Variants in CADPS2 observed in about 807,000 individuals in gnomAD.
CADPS2 encodes calcium-dependent secretion activator 2.
CADPS2 carries 93 observed loss-of-function variants against 172.5 expected under a neutral mutation model. The observed-to-expected ratio is 0.54, with a 90% confidence interval of 0.46 to 0.64. The LOEUF is 0.64. Ranked by LOEUF, CADPS2 falls within the 30% of genes least tolerant of loss-of-function variation. The pLI is 0.00. For synonymous variants in CADPS2, 546 were observed against 555.2 expected, an observed-to-expected ratio of 0.98 and a Z score of 0.23; for missense variants, 1,420 against 1,565.9, an observed-to-expected ratio of 0.91 and a Z score of 1.57.
At chr7:122,628,342 T>C (rs575396205) in intron 4 of CADPS2, among the ~76,000 whole-genome samples, 1 of 152,066 alleles carries the variant, frequency 6.6e-6, no homozygotes, top group African/African-American at 2.4e-5. Context: ...AAGAGTTCAT[T>C]ATCTTGATCT....
At chr7:122,576,176 TG>T (rs1217030078) in intron 7 of CADPS2, among the ~76,000 whole-genome samples, 1 of 152,200 alleles carries the variant, frequency 6.6e-6, no homozygotes, top group East Asian at 1.9e-4. Context: ...CCAATTATCC[TG>T]TATAATGTCA....
intron 9 of CADPS2, among the ~76,000 whole-genome samples, chr7:122,508,449 G>GTTTTTTTTTTTTTTTTTTTTTTTT (rs1205155217): frequency 7.3e-5 from 5 of 68,432 alleles, no homozygotes; most frequent in Non-Finnish European, 1.2e-4. Flanking sequence ...ATTCATTTAA[G>GTTTTTTTTTTTTTTTTTTTTTTTT]TTTTTTTTTT....
chr7:122,721,249 G>A (rs550973620), intron 2 of CADPS2, among the ~76,000 whole-genome samples: 13 of 151,944 alleles, frequency 8.6e-5, no homozygotes, highest in Non-Finnish European at 1.6e-4. Context: ...ACAAATCCAG[G>A]AACTGCTTGT....
chr7:122,456,429 A>T (rs1586223510), intron 14 of CADPS2, among the ~76,000 whole-genome samples: 1 of 152,138 alleles, frequency 6.6e-6, no homozygotes, highest in Non-Finnish European at 1.5e-5. Context: ...TGGGGCCTGT[A>T]GTTATTGAAG....
chr7:122,760,034 ACC>A (rs1463138643), intron 1 of CADPS2, among the ~76,000 whole-genome samples: 1 of 151,856 alleles, frequency 6.6e-6, no homozygotes, highest in East Asian at 1.9e-4. Flanking sequence ...ACATATATTT[ACC>A]TATGCTTATA....
At chr7:122,542,578 G>T (rs2063211238) in intron 8 of CADPS2, among the ~76,000 whole-genome samples, 2 of 152,114 alleles carry the variant, frequency 1.3e-5, no homozygotes, top group Non-Finnish European at 2.9e-5. Flanking sequence ...TGGACAAATA[G>T]ATATTGTGGA....
At chr7:122,462,445 CA>C (rs573281185) in intron 14 of CADPS2, among the ~76,000 whole-genome samples, 82 of 151,616 alleles carry the variant, frequency 5.4e-4, no homozygotes, top group Admixed American at 4.7e-3. Flanking sequence ...GAACATGAGC[CA>C]AAAAAGAAAG....
intron 19 of CADPS2, chr7:122,409,537 C>A: frequency 3.0e-6 from 1 of 330,334 alleles, no homozygotes; most frequent in Admixed American, 3.0e-5. Flanking sequence ...CATTGTTTTG[C>A]AGAAGTATAT....
At chr7:122,815,165 C>T (rs1017198763) in intron 1 of CADPS2, among the ~76,000 whole-genome samples, 1 of 152,054 alleles carries the variant, frequency 6.6e-6, no homozygotes, top group African/African-American at 2.4e-5. Flanking sequence ...GTGGTTTGAG[C>T]GTGTTACTCC....
chr7:122,869,438 T>C (rs576298547), intron 1 of CADPS2, among the ~76,000 whole-genome samples: 1 of 151,626 alleles, frequency 6.6e-6, no homozygotes, highest in African/African-American at 2.4e-5. Flanking sequence ...TTCAAAGAGC[T>C]AAAAGAAAAA....
chr7:122,417,785 G>A (rs925240711), intron 17 of CADPS2, among the ~76,000 whole-genome samples: 6 of 152,166 alleles, frequency 3.9e-5, no homozygotes, highest in African/African-American at 9.7e-5. Flanking sequence ...GGGAGACATC[G>A]GGGGAAGGTA....
chr7:122,635,117 T>C (rs1367584823), intron 3 of CADPS2, among the ~76,000 whole-genome samples: 1 of 152,132 alleles, frequency 6.6e-6, no homozygotes, highest in African/African-American at 2.4e-5. Context: ...GAAGAATGTA[T>C]ATTCTGTGAT....
chr7:122,848,658 T>C (rs531917914), intron 1 of CADPS2, among the ~76,000 whole-genome samples: 1 of 152,232 alleles, frequency 6.6e-6, no homozygotes, highest in Non-Finnish European at 1.5e-5. Flanking sequence ...ATACTGTGTT[T>C]CATTCTCTCA....
chr7:122,475,145 T>C (rs2056479814), intron 12 of CADPS2, among the ~76,000 whole-genome samples: 1 of 152,198 alleles, frequency 6.6e-6, no homozygotes, highest in South Asian at 2.1e-4. Context: ...TCTTTACAGA[T>C]TGCATCTTTC....
At chr7:122,723,314 G>A (rs1376864845) in intron 2 of CADPS2, among the ~76,000 whole-genome samples, 1 of 151,790 alleles carries the variant, frequency 6.6e-6, no homozygotes, top group Non-Finnish European at 1.5e-5. Context: ...AGTCTACAAA[G>A]AACTCAAACA....
chr7:122,581,602 T>C (rs1282031500), intron 6 of CADPS2, among the ~76,000 whole-genome samples: 1 of 152,178 alleles, frequency 6.6e-6, no homozygotes, highest in Non-Finnish European at 1.5e-5. Context: ...TTAATTCAAA[T>C]GTAAATTATA....
chr7:122,603,582 G>C (rs1587754375), intron 6 of CADPS2, among the ~76,000 whole-genome samples: 1 of 151,918 alleles, frequency 6.6e-6, no homozygotes, highest in Non-Finnish European at 1.5e-5. Flanking sequence ...TCACAAAATA[G>C]TCCTTGAAAT....
intron 17 of CADPS2, chr7:122,436,465 A>G: frequency 1.4e-6 from 1 of 694,042 alleles, no homozygotes; most frequent in Non-Finnish European, 2.1e-6. Context: ...TTTCTAACTT[A>G]AGTTTGATTT....
intron 17 of CADPS2, among the ~76,000 whole-genome samples, chr7:122,434,731 G>A (rs1395813144): frequency 1.3e-5 from 2 of 152,190 alleles, no homozygotes; most frequent in Non-Finnish European, 2.9e-5. Context: ...AAAATTCAGC[G>A]ACTCAGCGAA....
Sources: allele counts gnomAD v4.1 joint callset (sites outside exome capture counted in the v4.1 genomes callset), GRCh38; gene constraint gnomAD v4.1.1; transcripts MANE v1.5; gene names NCBI Gene and HGNC (gene_info 2026-07-23, HGNC 2026-07-21).